Variants in FHIT observed in about 807,000 individuals in gnomAD.
The protein encoded by FHIT is fragile histidine triad diadenosine triphosphatase.
Under a neutral mutation model 17.9 loss-of-function variants are expected in FHIT, and 19 were observed. The observed-to-expected ratio is 1.06, with a 90% CI of 0.74 to 1.56. The LOEUF is 1.56. FHIT is among the 40% of genes most tolerant of loss of function. The pLI, the probability that FHIT is intolerant of heterozygous loss-of-function variation, is 0.00. For synonymous variants in FHIT, 81 were observed against 69.7 expected, an observed-to-expected ratio of 1.16 and a Z score of -0.81; for missense variants, 248 against 189.2, an observed-to-expected ratio of 1.31 and a Z score of -1.82.
intron 8 of FHIT, among the ~76,000 whole-genome samples, chr3:59,865,937 C>T (rs374027652): frequency 7.0e-4 from 106 of 152,282 alleles, no homozygotes; most frequent in African/African-American, 2.4e-3. Context: ...TCACTGCATC[C>T]AGAGCAGTTC....
At chr3:61,213,417 A>C (rs1261853904) in intron 1 of FHIT, among the ~76,000 whole-genome samples, 1 of 152,236 alleles carries the variant, frequency 6.6e-6, no homozygotes, top group Admixed American at 6.5e-5. Context: ...GAAGGCCATT[A>C]CGTAATGGTA....
At chr3:60,049,490 A>G (rs1701787571) in intron 5 of FHIT, among the ~76,000 whole-genome samples, 1 of 152,188 alleles carries the variant, frequency 6.6e-6, no homozygotes. Flanking sequence ...TATAAAACTT[A>G]AATATGAATC....
chr3:60,064,994 CAT>C (rs1702440874), intron 5 of FHIT, among the ~76,000 whole-genome samples: 2 of 152,266 alleles, frequency 1.3e-5, no homozygotes, highest in South Asian at 4.1e-4. Context: ...GGCATTCAAA[CAT>C]AAACACAGCT....
intron 5 of FHIT, among the ~76,000 whole-genome samples, chr3:60,423,667 C>A (rs182820160): frequency 2.6e-5 from 4 of 151,998 alleles, no homozygotes; most frequent in Non-Finnish European, 5.9e-5. Flanking sequence ...AAGGCAATGG[C>A]GCAATAATAT....
intron 8 of FHIT, among the ~76,000 whole-genome samples, chr3:59,908,078 C>T (rs979972506): frequency 6.6e-6 from 1 of 152,244 alleles, no homozygotes. Flanking sequence ...GAATCTTCTA[C>T]TTTAATTCTC....
intron 7 of FHIT, among the ~76,000 whole-genome samples, chr3:59,979,222 C>T (rs1223924467): frequency 6.6e-6 from 1 of 152,122 alleles, no homozygotes; most frequent in African/African-American, 2.4e-5. Flanking sequence ...AAATTCCAAC[C>T]TTGGTCTTGT....
intron 8 of FHIT, among the ~76,000 whole-genome samples, chr3:59,803,163 C>G (rs686915): frequency 0.16 from 23,864 of 152,076 alleles, 2,221 homozygotes; most frequent in African/African-American, 0.26. Context: ...CAAAACACAT[C>G]TCCTTCCCTC....
At chr3:60,638,479 G>C (rs1553684505) in intron 4 of FHIT, among the ~76,000 whole-genome samples, 1 of 152,116 alleles carries the variant, frequency 6.6e-6, no homozygotes, top group African/African-American at 2.4e-5. Flanking sequence ...TACATCAGTG[G>C]TTCCCATACT....
chr3:60,852,800 T>C (rs1405152824), intron 3 of FHIT, among the ~76,000 whole-genome samples: 4 of 151,926 alleles, frequency 2.6e-5, no homozygotes, highest in African/African-American at 9.7e-5. Flanking sequence ...AACCAGGAGT[T>C]TGAGACAAGC....
intron 5 of FHIT, among the ~76,000 whole-genome samples, chr3:60,156,930 T>A (rs1700724034): frequency 6.6e-6 from 1 of 152,106 alleles, no homozygotes. Flanking sequence ...TTCTTCCATA[T>A]GTAGTTATAT....
At chr3:61,185,449 G>A (rs1416601195) in intron 2 of FHIT, among the ~76,000 whole-genome samples, 2 of 152,104 alleles carry the variant, frequency 1.3e-5, no homozygotes, top group African/African-American at 2.4e-5. Flanking sequence ...CTTAATTTCT[G>A]ACCAAATTCC....
chr3:60,522,445 C>T (rs2035408293), intron 5 of FHIT, among the ~76,000 whole-genome samples: 1 of 152,164 alleles, frequency 6.6e-6, no homozygotes, highest in African/African-American at 2.4e-5. Flanking sequence ...AAAGGAACAA[C>T]CTGTTCTTGT....
chr3:59,882,537 T>C (rs959068816), intron 8 of FHIT, among the ~76,000 whole-genome samples: 1 of 152,184 alleles, frequency 6.6e-6, no homozygotes, highest in African/African-American at 2.4e-5. Flanking sequence ...TCCCTTTAAT[T>C]ACATTATCTC....
At chr3:60,190,307 G>C (rs936363369) in intron 5 of FHIT, among the ~76,000 whole-genome samples, 3 of 151,528 alleles carry the variant, frequency 2.0e-5, no homozygotes, top group South Asian at 2.1e-4. Context: ...TCTCAGAAAT[G>C]ACGCAGTGAA....
chr3:60,240,270 G>GA (rs987423483), intron 5 of FHIT, among the ~76,000 whole-genome samples: 1 of 151,818 alleles, frequency 6.6e-6, no homozygotes, highest in African/African-American at 2.4e-5. Flanking sequence ...AGAGAATGGG[G>GA]AAAAAAAGGC....
At chr3:60,947,928 T>C (rs566335434) in intron 3 of FHIT, among the ~76,000 whole-genome samples, 2 of 152,210 alleles carry the variant, frequency 1.3e-5, no homozygotes, top group Non-Finnish European at 2.9e-5. Flanking sequence ...GTGTCTCTAG[T>C]TCCCATTTTA....
intron 3 of FHIT, among the ~76,000 whole-genome samples, chr3:60,944,129 G>A (rs1028468869): frequency 3.9e-5 from 6 of 152,206 alleles, no homozygotes; most frequent in South Asian, 2.1e-4. Context: ...AATGAGGGTC[G>A]CATAGTATAA....
At chr3:59,834,073 A>G (rs1010528172) in intron 8 of FHIT, among the ~76,000 whole-genome samples, 1 of 152,210 alleles carries the variant, frequency 6.6e-6, no homozygotes, top group African/African-American at 2.4e-5. Flanking sequence ...TAATACAGCT[A>G]TATTGCCATA....
At chr3:60,037,944 G>C (rs1293866004) in intron 5 of FHIT, among the ~76,000 whole-genome samples, 2 of 151,896 alleles carry the variant, frequency 1.3e-5, no homozygotes, top group Non-Finnish European at 2.9e-5. Context: ...GAACTCCTGA[G>C]CTCAGGCAAT....
Sources: allele counts gnomAD v4.1 joint callset (sites outside exome capture counted in the v4.1 genomes callset), GRCh38; gene constraint gnomAD v4.1.1; transcripts MANE v1.5; gene names NCBI Gene and HGNC (gene_info 2026-07-23, HGNC 2026-07-21).